Variants in ANKRD55 observed in about 807,000 individuals in gnomAD.
ANKRD55 encodes ankyrin repeat domain-containing protein 55.
In ANKRD55, 41 loss-of-function variants were observed where a neutral mutation model predicts 60.6. The ratio of observed to expected loss-of-function variants is 0.68; its 90% CI spans 0.53 to 0.88. ANKRD55 has a LOEUF of 0.88. Ranked by LOEUF, ANKRD55 falls within the 40% of genes least tolerant of loss-of-function variation. ANKRD55 has a pLI of 0.00. For missense variants in ANKRD55, 732 were observed against 767.6 expected (o/e 0.95, Z 0.55); for synonymous variants, 264 against 290.3 (o/e 0.91, Z 0.92).
intron 4 of ANKRD55, among the ~76,000 whole-genome samples, chr5:56,173,346 C>T (rs1440432802): frequency 2.0e-5 from 3 of 151,866 alleles, no homozygotes; most frequent in Admixed American, 1.3e-4. Flanking sequence ...TACATGCATG[C>T]GCCACCACGC....
chr5:56,128,216 A>G (rs1204339260), intron 7 of ANKRD55, among the ~76,000 whole-genome samples: 1 of 152,226 alleles, frequency 6.6e-6, no homozygotes, highest in Non-Finnish European at 1.5e-5. Context: ...TTCCTGGAAG[A>G]GTAAAGGAAT....
intron 4 of ANKRD55, among the ~76,000 whole-genome samples, chr5:56,172,381 G>A (rs1354327750): frequency 6.6e-6 from 1 of 152,100 alleles, no homozygotes; most frequent in African/African-American, 2.4e-5. Flanking sequence ...AGTTGTTAAT[G>A]TCTAAATCAT....
chr5:56,112,511 A>AAAAAAAAAAAACAAAAAAAAAAAAAC lies in ANKRD55; in HGVS notation c.966-730_966-729insGTTTTTTTTTTTTTGTTTTTTTTTTT, dbSNP rs1756759300. ...GCAGGATCTCATCTCTAGCAAAAAA[A>AAAAAAAAAAAACAAAAAAAAAAAAAC]AAAAAAAAAAACAACCAAGGAAAGA... On this transcript the variant is annotated intron_variant, in intron 9 of 11. Transcript: ENST00000341048. Among the ~76,000 whole-genome samples, 9 of 81,528 alleles carry AAAAAAAAAAAACAAAAAAAAAAAAAC rather than the reference A, an allele frequency of 1.1e-4. 1 individual carries two copies. Among genetic ancestry groups the AAAAAAAAAAAACAAAAAAAAAAAAAC allele is most frequent in the African/African-American group, 4.3e-4 (8 of 18,514 alleles). 53.5% of individuals were successfully genotyped at this position (81,528 alleles called of 152,430 possible). A position where few individuals can be genotyped will look rare whatever the true frequency, so the allele number is the denominator to read the frequency against.
In ANKRD55 at chr5:56,116,659, G is replaced by C. The variant is rs139672399; in HGVS notation, c.921C>G (p.Tyr307Ter). Reference sequence around the variant, plus strand: ...GTTTGACACACGCCGTGTGACCGCAGTACAGGGCATAGGCCAAGGGCGTGC... The same window carrying C: ...GTTTGACACACGCCGTGTGACCGCACTACAGGGCATAGGCCAAGGGCGTGC... ...NESTPLAYAL[Y>*]CGHTACVKLL... Residue 307 changes from tyrosine to a stop codon, truncating the protein, a stop_gained, in exon 9 of 12, where the codon TAC (tyrosine) becomes TAG (stop). Coordinates refer to ENST00000341048, the MANE Select transcript of ANKRD55 (RefSeq NM_024669.3). LOFTEE classifies it high-confidence loss of function. 39 of 1,611,584 alleles carry C rather than the reference G, an allele frequency of 2.4e-5. No individual in the cohort carries two copies. The highest frequency in any genetic ancestry group is 2.7e-5 in the African/African-American group (2 of 74,712).
chr5:56,111,046 C>T (rs1756674118), intron 10 of ANKRD55, 72 bp downstream of exon 10: 5 of 1,518,406 alleles, frequency 3.3e-6, no homozygotes, highest in Non-Finnish European at 4.5e-6. Context: ...ACTCCAGTTC[C>T]TAGCTTAAAA....
intron 10 of ANKRD55, among the ~76,000 whole-genome samples, chr5:56,104,017 A>G (rs1370019425): frequency 6.6e-6 from 1 of 152,172 alleles, no homozygotes; most frequent in East Asian, 1.9e-4. Context: ...CTGAACATCA[A>G]ATAACTTCAG....
At chr5:56,112,673 C>T (rs1756769004) in intron 9 of ANKRD55, among the ~76,000 whole-genome samples, 1 of 152,010 alleles carries the variant, frequency 6.6e-6, no homozygotes, top group South Asian at 2.1e-4. Flanking sequence ...CGAGAGGTTC[C>T]CTGAGGCAAG....
chr5:56,176,371 A>C, intron 3 of ANKRD55, 89 bp from the exon 4 acceptor site: 1 of 1,505,546 alleles, frequency 6.6e-7, no homozygotes, highest in Non-Finnish European at 9.2e-7. Flanking sequence ...TTATTTTGCT[A>C]TTTGCAATAC....
chr5:56,231,653 G>GCGCACACACA (rs1267820315), intron 2 of ANKRD55, among the ~76,000 whole-genome samples: 8 of 148,090 alleles, frequency 5.4e-5, no homozygotes, highest in African/African-American at 2.0e-4. Context: ...CTGAAGGCGC[G>GCGCACACACA]CACACACACA....
chr5:56,185,917 G>A (rs573174237), intron 2 of ANKRD55, among the ~76,000 whole-genome samples: 1 of 152,302 alleles, frequency 6.6e-6, no homozygotes, highest in East Asian at 1.9e-4. Flanking sequence ...AAACTGTTTT[G>A]TAAAGTGAGT....
intron 5 of ANKRD55, among the ~76,000 whole-genome samples, chr5:56,160,172 A>G (rs1450142666): frequency 6.6e-6 from 1 of 152,188 alleles, no homozygotes; most frequent in African/African-American, 2.4e-5. Context: ...CTTTAGGCTC[A>G]TTGTGTTCAC....
At chr5:56,107,325 A>G (rs1756511487) in intron 10 of ANKRD55, among the ~76,000 whole-genome samples, 2 of 152,206 alleles carry the variant, frequency 1.3e-5, no homozygotes, top group South Asian at 4.1e-4. Context: ...TATTTGATAT[A>G]GGCAGATTCC....
At chr5:56,204,741 A>C (rs1052698136) in intron 2 of ANKRD55, among the ~76,000 whole-genome samples, 3 of 152,166 alleles carry the variant, frequency 2.0e-5, no homozygotes, top group African/African-American at 7.2e-5. Context: ...GTAGGTAGAA[A>C]TCTTTAATTT....
chr5:56,120,325 C>T (rs1428035871), intron 8 of ANKRD55, among the ~76,000 whole-genome samples: 1 of 152,140 alleles, frequency 6.6e-6, no homozygotes, highest in Non-Finnish European at 1.5e-5. Flanking sequence ...CCGCACCAAG[C>T]CCTCTTAACA....
intron 2 of ANKRD55, among the ~76,000 whole-genome samples, chr5:56,229,496 T>C (rs1760196898): frequency 6.6e-6 from 1 of 152,130 alleles, no homozygotes; most frequent in African/African-American, 2.4e-5. Context: ...ATATGTAATA[T>C]AGTATTATCC....
rs1364213463 is a variant in ANKRD55, at chr5:56,135,286, GCCTGCTTGCTTT to G, written c.613-8192_613-8181del. On this transcript the variant is annotated intron_variant, in intron 7 of 11. Transcript: ENST00000341048. ...TCTTTCCCTCCCTCCCTCCCTGCCT[GCCTGCTTGCTTT>G]CTTTCTTTCTTTCTTTCTTTCTTTC... Among the ~76,000 whole-genome samples, 15 of 48,692 alleles carry G rather than the reference GCCTGCTTGCTTT, an allele frequency of 3.1e-4. 2 individuals carry two copies. The highest frequency in any genetic ancestry group is 6.1e-4 in the East Asian group (1 of 1,632). 31.9% of individuals were successfully genotyped at this position (48,692 alleles called of 152,430 possible).
intron 7 of ANKRD55, among the ~76,000 whole-genome samples, chr5:56,141,139 T>TTTTG (rs1554039039): frequency 6.7e-6 from 1 of 148,890 alleles, no homozygotes; most frequent in African/African-American, 2.5e-5. Context: ...AGTTTTTTTT[T>TTTTG]TTTTTTTTTT....
intron 2 of ANKRD55, among the ~76,000 whole-genome samples, chr5:56,219,356 C>T (rs1015437911): frequency 4.6e-5 from 7 of 151,354 alleles, no homozygotes; most frequent in African/African-American, 1.7e-4. Context: ...GTTCTGAGAG[C>T]ACACTTAGAA....
At chr5:56,205,594 A>G (rs1448183289) in intron 2 of ANKRD55, among the ~76,000 whole-genome samples, 1 of 152,144 alleles carries the variant, frequency 6.6e-6, no homozygotes, top group Non-Finnish European at 1.5e-5. Flanking sequence ...GTTTCCTTTC[A>G]TGATTGATAT....
Sources: allele counts gnomAD v4.1 joint callset (sites outside exome capture counted in the v4.1 genomes callset), GRCh38; gene constraint gnomAD v4.1.1; transcripts MANE v1.5; gene names NCBI Gene and HGNC (gene_info 2026-07-23, HGNC 2026-07-21).